Variants in FILIP1L observed in about 807,000 individuals in gnomAD.
The protein encoded by FILIP1L is filamin A interacting protein 1 like.
FILIP1L carries 55 observed loss-of-function variants against 96.6 expected under a neutral mutation model. The ratio of observed to expected loss-of-function variants is 0.57; its 90% confidence interval spans 0.46 to 0.71. The LOEUF (loss-of-function observed/expected upper bound fraction) is 0.71. Among genes scored for constraint, FILIP1L ranks in the 30% least tolerant of loss-of-function variants. The pLI is 0.00. For missense variants in FILIP1L, 1,304 were observed against 1,321.2 expected, an observed-to-expected ratio of 0.99 and a Z score of 0.20; for synonymous variants, 467 against 473.9, an observed-to-expected ratio of 0.99 and a Z score of 0.19.
intron 1 of FILIP1L, among the ~76,000 whole-genome samples, chr3:99,941,295 C>T (rs572770880): frequency 6.6e-6 from 1 of 152,036 alleles, no homozygotes; most frequent in Admixed American, 6.5e-5. Context: ...AGTAGAAATA[C>T]AGGTTCACGA....
chr3:100,112,118 C>T (rs932158814), intron 1 of FILIP1L, among the ~76,000 whole-genome samples: 2 of 152,252 alleles, frequency 1.3e-5, no homozygotes, highest in South Asian at 4.1e-4. Context: ...AAGTGTTCCC[C>T]TAATATAACT....
At chr3:99,979,396 T>C (rs1258024689) in intron 1 of FILIP1L, among the ~76,000 whole-genome samples, 3 of 152,234 alleles carry the variant, frequency 2.0e-5, no homozygotes, top group African/African-American at 7.2e-5. Context: ...CACAGTAGAA[T>C]GATTCTAAAG....
At chr3:100,016,357 A>G (rs1710339716) in intron 1 of FILIP1L, among the ~76,000 whole-genome samples, 2 of 152,050 alleles carry the variant, frequency 1.3e-5, no homozygotes, top group South Asian at 4.1e-4. Flanking sequence ...ACACACAGCT[A>G]ATTTTGTATC....
chr3:100,053,917 G>A (rs2065417971), intron 1 of FILIP1L, among the ~76,000 whole-genome samples: 1 of 152,242 alleles, frequency 6.6e-6, no homozygotes, highest in Non-Finnish European at 1.5e-5. Context: ...AAAGTAAATT[G>A]CATCCAAGTG....
At chr3:99,981,475 CACAATGATACATGATAAATGAT>C (rs1294015927) in intron 1 of FILIP1L, among the ~76,000 whole-genome samples, 7 of 152,140 alleles carry the variant, frequency 4.6e-5, no homozygotes, top group African/African-American at 1.7e-4. Context: ...TCCTAGCACT[CACAATGATACATGATAAATGAT>C]ACAATGATAC....
intron 4 of FILIP1L, among the ~76,000 whole-genome samples, chr3:99,875,454 G>T (rs1705462540): frequency 6.6e-6 from 1 of 152,208 alleles, no homozygotes; most frequent in Non-Finnish European, 1.5e-5. Flanking sequence ...ACTTGAAGCA[G>T]AAAGTTAGAA....
chr3:99,866,215 C>T (rs1454090109), intron 4 of FILIP1L, among the ~76,000 whole-genome samples: 1 of 151,090 alleles, frequency 6.6e-6, no homozygotes, highest in South Asian at 2.1e-4. Flanking sequence ...GCTTTCTTAC[C>T]TTAATTGTTG....
chr3:100,112,630 T>C (rs1041479055), intron 1 of FILIP1L, among the ~76,000 whole-genome samples: 9 of 152,370 alleles, frequency 5.9e-5, no homozygotes, highest in African/African-American at 2.2e-4. Flanking sequence ...TGCTTTTCTT[T>C]GCTGCAGAAC....
At chr3:100,017,348 C>A (rs1429402896) in intron 1 of FILIP1L, among the ~76,000 whole-genome samples, 2 of 152,152 alleles carry the variant, frequency 1.3e-5, no homozygotes, top group African/African-American at 4.8e-5. Flanking sequence ...ATTTGTAGCA[C>A]CTCCTGATGA....
At chr3:100,092,974 C>G (rs1389569949) in intron 1 of FILIP1L, among the ~76,000 whole-genome samples, 1 of 151,866 alleles carries the variant, frequency 6.6e-6, no homozygotes, top group African/African-American at 2.4e-5. Flanking sequence ...ACCTATGGAT[C>G]CAGCCTGATG....
chr3:99,980,568 A>C (rs1392562833), intron 1 of FILIP1L, among the ~76,000 whole-genome samples: 2 of 152,204 alleles, frequency 1.3e-5, no homozygotes, highest in Non-Finnish European at 2.9e-5. Context: ...AGTTTATTAC[A>C]AACTTAAGAA....
rs142086380 is a variant in FILIP1L, at chr3:99,835,773, G to A, written c.3382-5168C>T. Among the ~76,000 whole-genome samples, 768 of 152,236 alleles carry A rather than the reference G, an allele frequency of 5.0e-3. 6 individuals carry two copies. The highest frequency in any genetic ancestry group is 0.017 in the African/African-American group (721 of 41,522). On this transcript the variant is annotated intron_variant, in intron 5 of 5. Coordinates refer to ENST00000477258, the MANE Select transcript of FILIP1L (RefSeq NM_001387850.1). Reference sequence around the variant, plus strand: ...ACAAATAATTATGAGGTAGAATGACGTGCAATAATAGAATTACAGACAGCA... The same window carrying A: ...ACAAATAATTATGAGGTAGAATGACATGCAATAATAGAATTACAGACAGCA...
chr3:100,006,377 T>C (rs1487730811), intron 1 of FILIP1L, among the ~76,000 whole-genome samples: 2 of 152,156 alleles, frequency 1.3e-5, no homozygotes, highest in African/African-American at 2.4e-5. Flanking sequence ...TTTGAATACC[T>C]TTGCCAACAG....
intron 5 of FILIP1L, among the ~76,000 whole-genome samples, chr3:99,845,492 A>G (rs1218275310): frequency 1.3e-5 from 2 of 152,088 alleles, no homozygotes; most frequent in Non-Finnish European, 2.9e-5. Context: ...CCACCCCCAC[A>G]TATTTCATAT....
At chr3:99,883,282 T>C (rs565677244) in intron 4 of FILIP1L, among the ~76,000 whole-genome samples, 1 of 152,320 alleles carries the variant, frequency 6.6e-6, no homozygotes, top group African/African-American at 2.4e-5. Flanking sequence ...CTTCCACTCA[T>C]TGTTCTTCAT....
chr3:99,909,394 T>A (rs964425065), intron 4 of FILIP1L, among the ~76,000 whole-genome samples: 1 of 152,140 alleles, frequency 6.6e-6, no homozygotes, highest in African/African-American at 2.4e-5. Flanking sequence ...TGTGGAAGCC[T>A]TGGGTCAGGT....
chr3:99,867,542 T>G (rs1455394265), intron 4 of FILIP1L, among the ~76,000 whole-genome samples: 1 of 152,220 alleles, frequency 6.6e-6, no homozygotes, highest in Non-Finnish European at 1.5e-5. Context: ...ACATATCTGA[T>G]GGACAGGAAA....
At position 99,829,794 on chromosome 3, in the gene FILIP1L, G is replaced by A. The variant is rs1232358426; in HGVS notation, c.*620C>T. Among the ~76,000 whole-genome samples the A allele has an allele frequency of 1.3e-5, 2 of 152,144 alleles. No homozygotes were observed. The highest frequency in any genetic ancestry group is 2.9e-5 in the Non-Finnish European group (2 of 68,030). ...ACTGAGACTAAGTGCCAGTGGTCAGGTATGCTTACTACACCAGTGATTGTC... is the reference window on the plus strand; with the variant it reads ...ACTGAGACTAAGTGCCAGTGGTCAGATATGCTTACTACACCAGTGATTGTC... On this transcript the variant is annotated 3_prime_UTR_variant, in exon 6 of 6. Coordinates refer to ENST00000477258, the MANE Select transcript of FILIP1L (RefSeq NM_001387850.1).
chr3:100,079,932 A>G (rs1402096195), intron 1 of FILIP1L, among the ~76,000 whole-genome samples: 1 of 152,142 alleles, frequency 6.6e-6, no homozygotes, highest in African/African-American at 2.4e-5. Context: ...ATATATGGGT[A>G]ATGTCATCTC....
Sources: gnomAD v4.1 joint callset for allele counts (sites outside exome capture counted in the v4.1 genomes callset) on GRCh38, gnomAD v4.1.1 for gene constraint, MANE v1.5 for transcripts, NCBI Gene and HGNC (gene_info 2026-07-23, HGNC 2026-07-21) for gene names.